RAB31: variants seen among roughly 807,000 people sequenced by gnomAD.
RAB31 encodes the protein RAB31, member RAS oncogene family.
A neutral mutation model predicts 25.6 loss-of-function variants in RAB31; 21 were observed. The observed-to-expected ratio is 0.82, with a 90% CI of 0.58 to 1.18. The LOEUF (loss-of-function observed/expected upper bound fraction) is 1.18, where lower values mean the gene tolerates loss of function less well. Among genes scored for constraint, RAB31 ranks in the 50% most tolerant of loss-of-function variants. The probability of loss-of-function intolerance (pLI) is 0.00; values close to 1 mark genes in which losing one functional copy is unlikely to be tolerated. For missense variants in RAB31, 196 were observed against 250.1 expected, an observed-to-expected ratio of 0.78 and a Z score of 1.46; for synonymous variants, 87 against 84.0, an observed-to-expected ratio of 1.04 and a Z score of -0.20.
At chr18:9,784,132 G>A (rs2068419735) in intron 2 of RAB31, among the ~76,000 whole-genome samples, 2 of 152,102 alleles carry the variant, frequency 1.3e-5, no homozygotes, top group Admixed American at 6.5e-5. Flanking sequence ...GACCTCCTGG[G>A]CTCAAGGGAT....
intron 5 of RAB31, among the ~76,000 whole-genome samples, chr18:9,844,375 T>C (rs1363058521): frequency 6.6e-6 from 1 of 152,212 alleles, no homozygotes; most frequent in African/African-American, 2.4e-5. Flanking sequence ...CTCTCCTGTC[T>C]CTGGGCCTCT....
In RAB31 at chr18:9,789,718, G is replaced by A. The variant is rs187441040; in HGVS notation, c.120-2436G>A. On this transcript the variant is annotated intron_variant, in intron 2 of 6. Coordinates refer to ENST00000578921, the MANE Select transcript of RAB31 (RefSeq NM_006868.4). ...ATATGTTGCTTTTAAAATGGGAAAA[G>A]TAATAAAGACATTAACATTTTTGGA... 5.3e-5 allele frequency among the ~76,000 whole-genome samples: 8 copies of A among 152,258 alleles called. No homozygotes were observed. In the East Asian group the frequency reaches 1.5e-3, roughly 29 times the overall value.
intron 3 of RAB31, among the ~76,000 whole-genome samples, chr18:9,811,153 G>C (rs2068568332): frequency 6.6e-6 from 1 of 152,196 alleles, no homozygotes; most frequent in Admixed American, 6.5e-5. Flanking sequence ...GGGGGCAGTG[G>C]GTGGCGCCGG....
At chr18:9,853,978 T>TA (rs397955024) in intron 6 of RAB31, among the ~76,000 whole-genome samples, 1 of 150,206 alleles carries the variant, frequency 6.7e-6, no homozygotes, top group Non-Finnish European at 1.5e-5. Flanking sequence ...TTTTTTTTTT[T>TA]AACTTTAAAT....
At chr18:9,723,453 A>T (rs749474438) in intron 1 of RAB31, 1 of 152,250 alleles carries the variant, frequency 6.6e-6, no homozygotes, top group Non-Finnish European at 1.5e-5. Flanking sequence ...GCAAATAAAA[A>T]TTTTTAAAAA....
intron 5 of RAB31, among the ~76,000 whole-genome samples, chr18:9,827,967 G>A (rs552356442): frequency 1.3e-5 from 2 of 152,304 alleles, no homozygotes; most frequent in South Asian, 2.1e-4. Context: ...AGGACAGAGG[G>A]GTTCAGGAAG....
intron 5 of RAB31, among the ~76,000 whole-genome samples, chr18:9,841,913 T>C (rs1417320629): frequency 6.6e-6 from 1 of 152,094 alleles, no homozygotes; most frequent in Admixed American, 6.5e-5. Flanking sequence ...AACTACTTAG[T>C]TTGGGTTTGG....
At chr18:9,786,129 A>AAAGGAAAGGAAAGAAAGAAAGAAAG (rs2068431303) in intron 2 of RAB31, among the ~76,000 whole-genome samples, 2 of 149,962 alleles carry the variant, frequency 1.3e-5, no homozygotes, top group South Asian at 4.2e-4. Context: ...TCTGTCAAAA[A>AAAGGAAAGGAAAGAAAGAAAGAAAG]AAGGAAAGGA....
chr18:9,767,675 C>T (rs995135392), intron 1 of RAB31, among the ~76,000 whole-genome samples: 12 of 152,140 alleles, frequency 7.9e-5, no homozygotes, highest in East Asian at 3.9e-4. Context: ...TAAGTAGTCG[C>T]GATCTATTTG....
chr18:9,780,398 T>G (rs184759359), intron 2 of RAB31, among the ~76,000 whole-genome samples: 2 of 152,178 alleles, frequency 1.3e-5, no homozygotes, highest in Non-Finnish European at 2.9e-5. Context: ...CAACTGAAAA[T>G]GAAAAAAACA....
At chr18:9,808,106 C>G (rs1248990432) in intron 3 of RAB31, among the ~76,000 whole-genome samples, 1 of 152,176 alleles carries the variant, frequency 6.6e-6, no homozygotes, top group Non-Finnish European at 1.5e-5. Context: ...GAGTCAGGTG[C>G]TCATCAGGTC....
At chr18:9,799,331 A>G (rs1224990145) in intron 3 of RAB31, among the ~76,000 whole-genome samples, 4 of 152,226 alleles carry the variant, frequency 2.6e-5, no homozygotes. Context: ...TCTGCCTAAC[A>G]TACACAGCAT....
rs573666347 is a variant in RAB31 at position 9,809,343 on chromosome 18, G to T, written c.202-4677G>T. Among the ~76,000 whole-genome samples, 37 of 138,632 alleles carry T rather than the reference G, an allele frequency of 2.7e-4. No individual in the cohort carries two copies. In the South Asian group the frequency reaches 9.6e-3, roughly 36 times the overall value. The allele number at this position is 138,632 out of a possible 152,430, so 90.9% of individuals were successfully genotyped here. On this transcript the variant is annotated intron_variant, in intron 3 of 6. Transcript: ENST00000578921. Reference sequence around the variant, plus strand: ...CCCCAAAGGTGATTCTTGATCACGCGAGGTCCCTAGATGTTAATAAATACT... The same window carrying T: ...CCCCAAAGGTGATTCTTGATCACGCTAGGTCCCTAGATGTTAATAAATACT...
chr18:9,745,072 GAAA>G lies in RAB31; in HGVS notation c.40-30201_40-30199del, dbSNP rs1480627667. Among the ~76,000 whole-genome samples the G allele has an allele frequency of 2.6e-5, 4 of 151,734 alleles. No homozygotes were observed. In the East Asian group the frequency reaches 7.7e-4, roughly 29 times the overall value. ...AACATACCTTAAGCTACATTACTAA[GAAA>G]AAAAGAGAAAAGAAGTAAATCACTA... On this transcript the variant is annotated intron_variant, in intron 1 of 6. Transcript: ENST00000578921.
At chr18:9,794,087 G>T (rs1473926066) in intron 3 of RAB31, among the ~76,000 whole-genome samples, 1 of 152,148 alleles carries the variant, frequency 6.6e-6, no homozygotes, top group Non-Finnish European at 1.5e-5. Flanking sequence ...TAGAGACGAG[G>T]TCTTGCTATG....
chr18:9,718,876 C>A (rs1250864077), intron 1 of RAB31, among the ~76,000 whole-genome samples: 1 of 151,880 alleles, frequency 6.6e-6, no homozygotes, highest in Non-Finnish European at 1.5e-5. Context: ...CTTCCAAAGG[C>A]TCTACCTCCT....
At chr18:9,851,635 T>C (rs891502795) in intron 6 of RAB31, among the ~76,000 whole-genome samples, 1 of 152,194 alleles carries the variant, frequency 6.6e-6, no homozygotes, top group East Asian at 1.9e-4. Flanking sequence ...GCGTGGTTTA[T>C]TGTAACATTA....
At chr18:9,737,916 AGTTTTGTCTGC>A (rs1232782849) in intron 1 of RAB31, among the ~76,000 whole-genome samples, 3 of 152,100 alleles carry the variant, frequency 2.0e-5, no homozygotes, top group African/African-American at 7.2e-5. Context: ...TCATAAAGAG[AGTTTTGTCTGC>A]CCCCCACGCT....
intron 1 of RAB31, among the ~76,000 whole-genome samples, chr18:9,719,329 A>AT (rs1568161324): frequency 0.062 from 2,564 of 41,638 alleles, 558 homozygotes; most frequent in Non-Finnish European, 0.078. Flanking sequence ...ATATATATAT[A>AT]AATAAATAAA....
Sources: gnomAD v4.1 joint callset for allele counts (sites outside exome capture counted in the v4.1 genomes callset) on GRCh38, gnomAD v4.1.1 for gene constraint, MANE v1.5 for transcripts, NCBI Gene and HGNC (gene_info 2026-07-23, HGNC 2026-07-21) for gene names.